NF1: variants seen among roughly 807,000 people sequenced by gnomAD.
NF1 encodes neurofibromin 1.
Under a neutral mutation model 325.7 loss-of-function variants are expected in NF1, and 122 were observed. That is an observed-to-expected ratio of 0.37 (90% CI 0.32 to 0.44). NF1 has a LOEUF of 0.44. NF1 is among the 20% of genes least tolerant of loss of function. NF1 has a pLI of 1.00. For missense variants in NF1, 2,140 were observed against 3,415.4 expected (o/e 0.63, Z 9.31); for synonymous variants, 1,091 against 1,186.0 (o/e 0.92, Z 1.65).
chr17:31,349,084 T>TA, intron 48 of NF1, 36 bp from the exon 49 acceptor site: 1 of 1,551,356 alleles, frequency 6.4e-7, no homozygotes, highest in South Asian at 1.2e-5. Flanking sequence ...AATTAATTCT[T>TA]ACTTGTTTGT....
intron 1 of NF1, among the ~76,000 whole-genome samples, chr17:31,105,993 A>G (rs1461992387): frequency 6.6e-6 from 1 of 152,250 alleles, no homozygotes; most frequent in Non-Finnish European, 1.5e-5. Flanking sequence ...TTATACTCAG[A>G]TAATGACCTT....
chr17:31,289,004 A>G (rs919821842), intron 36 of NF1, among the ~76,000 whole-genome samples: 1 of 152,208 alleles, frequency 6.6e-6, no homozygotes. Context: ...TAAGTAGGTC[A>G]TTGTTAGCCA....
chr17:31,368,790 T>C (rs1486390843), intron 57 of NF1, among the ~76,000 whole-genome samples: 1 of 152,230 alleles, frequency 6.6e-6, no homozygotes, highest in Admixed American at 6.5e-5. Context: ...AAGTCTGCTG[T>C]TATCCTTAAT....
At chr17:31,188,316 G>A (rs566637010) in intron 8 of NF1, among the ~76,000 whole-genome samples, 1 of 152,266 alleles carries the variant, frequency 6.6e-6, no homozygotes, top group East Asian at 1.9e-4. Context: ...ACATGTTTGT[G>A]CATGTATACA....
In NF1 at chr17:31,125,613, T is replaced by C. The variant is rs1009986353; in HGVS notation, c.60+30244T>C. Among the ~76,000 whole-genome samples, 8 of 152,194 alleles carry C rather than the reference T, an allele frequency of 5.3e-5. No homozygotes were observed. The South Asian group carries it at 6.2e-4, about 12-fold the overall frequency. ...GTGTAATGGCACGATCTGGACTCAC[T>C]GCAACCTCTGCCTCCTGGGTTCAAG... On this transcript the variant is annotated intron_variant, in intron 1 of 57. Coordinates refer to ENST00000358273, the MANE Select transcript of NF1 (RefSeq NM_001042492.3).
chr17:31,342,950 G>A, intron 47 of NF1, 59 bp from the exon 48 acceptor site: 6 of 1,600,318 alleles, frequency 3.7e-6, no homozygotes, highest in Non-Finnish European at 4.3e-6. Context: ...AATTAAGTGA[G>A]CCTTTAAAGA....
intron 8 of NF1, among the ~76,000 whole-genome samples, chr17:31,185,060 G>A (rs1311256457): frequency 2.6e-5 from 4 of 152,164 alleles, no homozygotes; most frequent in Admixed American, 6.5e-5. Context: ...CCCTCCCTGA[G>A]CCATGCTGCC....
At chr17:31,364,390 A>G (rs976866360) in intron 57 of NF1, among the ~76,000 whole-genome samples, 49 of 152,346 alleles carry the variant, frequency 3.2e-4, no homozygotes, top group East Asian at 7.7e-4. Context: ...TTTCATGTCA[A>G]TGCAAAACTC....
intron 18 of NF1, among the ~76,000 whole-genome samples, chr17:31,226,979 C>T (rs188171152): frequency 6.6e-6 from 1 of 152,322 alleles, no homozygotes; most frequent in African/African-American, 2.4e-5. Context: ...TGAAGTTTTA[C>T]AAACATTGGC....
intron 36 of NF1, among the ~76,000 whole-genome samples, chr17:31,285,856 G>A (rs185728625): frequency 3.9e-5 from 6 of 152,266 alleles, no homozygotes; most frequent in Non-Finnish European, 7.4e-5. Context: ...CTAGCTCTTA[G>A]TGGTATTTGA....
intron 36 of NF1, among the ~76,000 whole-genome samples, chr17:31,275,594 T>A (rs1027167566): frequency 6.6e-6 from 1 of 152,226 alleles, no homozygotes; most frequent in African/African-American, 2.4e-5. Flanking sequence ...AATACTGTAA[T>A]TCTGTGGTTT....
intron 1 of NF1, among the ~76,000 whole-genome samples, chr17:31,129,907 C>G (rs1262741057): frequency 6.6e-6 from 1 of 152,050 alleles, no homozygotes; most frequent in Non-Finnish European, 1.5e-5. Context: ...AATTCTGTTT[C>G]TGTCATTTCA....
intron 1 of NF1, among the ~76,000 whole-genome samples, chr17:31,126,977 G>T (rs75478814): frequency 6.6e-6 from 1 of 151,826 alleles, no homozygotes; most frequent in African/African-American, 2.4e-5. Context: ...GACTTTTTTT[G>T]TAAGGATCCA....
chr17:31,194,001 T>G (rs2066392746), intron 8 of NF1, among the ~76,000 whole-genome samples: 1 of 152,066 alleles, frequency 6.6e-6, no homozygotes, highest in Non-Finnish European at 1.5e-5. Context: ...AAACTGCAAA[T>G]AGAACTACCA....
rs368638966 is a variant in NF1, at chr17:31,325,871, G to A, written c.4887G>A (p.Leu1629=). Residue 1629 remains leucine, a synonymous_variant, in exon 37 of 58, where the codon CTG becomes CTA. Coordinates refer to ENST00000358273, the MANE Select transcript of NF1 (RefSeq NM_001042492.3). ...ATTTGCTGATATACCATGTCTTACT[G>A]ACTTTAAAGCCATATTATGCAAAGC... ...NGDLLIYHVL[L]TLKPYYAKPY... 2.5e-6 allele frequency: 4 copies of A among 1,613,980 alleles called. No homozygotes were observed. The highest frequency in any genetic ancestry group is 3.4e-6 in the Non-Finnish European group (4 of 1,180,024).
intron 11 of NF1, among the ~76,000 whole-genome samples, chr17:31,202,091 C>G (rs143957589): frequency 1.3e-5 from 2 of 152,198 alleles, no homozygotes; most frequent in East Asian, 3.9e-4. Context: ...AAGGTACTTG[C>G]GAAACCTTCA....
intron 1 of NF1, among the ~76,000 whole-genome samples, chr17:31,127,041 T>C (rs150570956): frequency 1.1e-3 from 168 of 152,178 alleles, no homozygotes; most frequent in African/African-American, 3.8e-3. Flanking sequence ...AGCCTATTTA[T>C]TGAGTAGTGC....
intron 36 of NF1, chr17:31,304,754 C>A: frequency 6.2e-7 from 1 of 1,614,116 alleles, no homozygotes; most frequent in South Asian, 1.1e-5. Context: ...ATTTCTAAGT[C>A]ATCTGCTAAA....
chr17:31,339,246 TTA>T (rs936876410), intron 46 of NF1, among the ~76,000 whole-genome samples: 1 of 152,162 alleles, frequency 6.6e-6, no homozygotes, highest in African/African-American at 2.4e-5. Flanking sequence ...ATGTTAGTGA[TTA>T]TTACTATGGA....
Sources: allele counts gnomAD v4.1 joint callset (sites outside exome capture counted in the v4.1 genomes callset), GRCh38; gene constraint gnomAD v4.1.1; transcripts MANE v1.5; gene names NCBI Gene and HGNC (gene_info 2026-07-23, HGNC 2026-07-21).